DCDC1: variants seen among roughly 807,000 people sequenced by gnomAD.
The protein encoded by DCDC1 is doublecortin domain containing 1, also known as doublecortin domain-containing protein 1.
Under a neutral mutation model 178.3 loss-of-function variants are expected in DCDC1, and 200 were observed. The observed-to-expected ratio is 1.12, with a 90% CI of 1.00 to 1.26. The LOEUF is 1.26. DCDC1 is among the 50% of genes most tolerant of loss of function. DCDC1 has a pLI of 0.00. For synonymous variants in DCDC1, 690 were observed against 604.8 expected (o/e 1.14, Z -2.07); for missense variants, 1,983 against 1,749.2 (o/e 1.13, Z -2.38).
intron 15 of DCDC1, among the ~76,000 whole-genome samples, chr11:31,096,930 TGC>T (rs923881088): frequency 9.9e-5 from 15 of 152,184 alleles, no homozygotes; most frequent in African/African-American, 3.1e-4. Flanking sequence ...TGTGTGTGTG[TGC>T]GCGCGCCCGT....
At chr11:31,224,150 G>A (rs569381312) in intron 9 of DCDC1, among the ~76,000 whole-genome samples, 2 of 152,176 alleles carry the variant, frequency 1.3e-5, no homozygotes, top group Non-Finnish European at 2.9e-5. Context: ...ATGTGAAACT[G>A]TAAGTTCAAT....
At chr11:30,901,652 G>T (rs1294779832) in intron 32 of DCDC1, among the ~76,000 whole-genome samples, 1 of 152,174 alleles carries the variant, frequency 6.6e-6, no homozygotes, top group Non-Finnish European at 1.5e-5. Flanking sequence ...GGAATCAAAA[G>T]AATGCCCTTT....
intron 3 of DCDC1, among the ~76,000 whole-genome samples, chr11:31,313,974 C>A (rs1299951640): frequency 1.3e-5 from 2 of 152,088 alleles, no homozygotes; most frequent in South Asian, 2.1e-4. Context: ...GTCTCTACTG[C>A]AAATTTTTCA....
chr11:31,009,254 T>C (rs1266630847), intron 20 of DCDC1, among the ~76,000 whole-genome samples: 3 of 152,102 alleles, frequency 2.0e-5, no homozygotes, highest in African/African-American at 7.2e-5. Context: ...CAACTGAAGG[T>C]ATAATAGTTC....
intron 9 of DCDC1, among the ~76,000 whole-genome samples, chr11:31,175,669 T>C (rs1967916466): frequency 6.6e-6 from 1 of 152,190 alleles, no homozygotes; most frequent in Non-Finnish European, 1.5e-5. Flanking sequence ...CCAGACATCC[T>C]ATCAACCTCC....
chr11:31,128,808 C>T (rs966455626), intron 10 of DCDC1, among the ~76,000 whole-genome samples: 9 of 152,090 alleles, frequency 5.9e-5, no homozygotes, highest in Non-Finnish European at 1.5e-5. Flanking sequence ...GGCCAATGTA[C>T]TGGTATATTT....
At chr11:31,361,369 A>G (rs1399670355) in intron 1 of DCDC1, among the ~76,000 whole-genome samples, 1 of 152,248 alleles carries the variant, frequency 6.6e-6, no homozygotes, top group Non-Finnish European at 1.5e-5. Context: ...ACACAGCCTC[A>G]TTAGCACAAA....
intron 20 of DCDC1, among the ~76,000 whole-genome samples, chr11:30,982,776 T>C (rs1950455676): frequency 6.6e-6 from 1 of 152,160 alleles, no homozygotes; most frequent in South Asian, 2.1e-4. Flanking sequence ...GACATTTAAA[T>C]GAGTGAGTAT....
intron 8 of DCDC1, among the ~76,000 whole-genome samples, chr11:31,258,620 T>A (rs549911207): frequency 6.6e-6 from 1 of 152,060 alleles, no homozygotes; most frequent in Non-Finnish European, 1.5e-5. Context: ...AAAGACCATG[T>A]CCTTAGGAGG....
chr11:31,170,755 A>G (rs948914775), intron 9 of DCDC1, among the ~76,000 whole-genome samples: 1 of 152,212 alleles, frequency 6.6e-6, no homozygotes, highest in Non-Finnish European at 1.5e-5. Flanking sequence ...TTTAGGCACA[A>G]GAGGCTATTG....
chr11:31,309,972 C>G (rs1340478939), intron 3 of DCDC1, among the ~76,000 whole-genome samples: 1 of 152,054 alleles, frequency 6.6e-6, no homozygotes, highest in Non-Finnish European at 1.5e-5. Context: ...GGCTGTCTAT[C>G]ATTTTTGTTT....
intron 7 of DCDC1, among the ~76,000 whole-genome samples, chr11:31,273,057 C>T (rs1419286193): frequency 1.3e-5 from 2 of 152,156 alleles, no homozygotes; most frequent in Admixed American, 6.5e-5. Flanking sequence ...TAGTATGGGA[C>T]CCTGGGCCCG....
intron 20 of DCDC1, among the ~76,000 whole-genome samples, chr11:30,998,287 G>C (rs778019710): frequency 1.3e-5 from 2 of 151,964 alleles, no homozygotes; most frequent in African/African-American, 4.8e-5. Context: ...ATGAAACCTG[G>C]ACTCAAAATA....
chr11:31,264,279 T>G (rs1282739498), intron 8 of DCDC1, among the ~76,000 whole-genome samples: 3 of 152,172 alleles, frequency 2.0e-5, no homozygotes, highest in Non-Finnish European at 1.5e-5. Flanking sequence ...ATCCAAGTAC[T>G]ATTTATTGAG....
At chr11:31,250,415 C>CACACACACACACACACAT (rs1223526182) in intron 8 of DCDC1, among the ~76,000 whole-genome samples, 1 of 73,670 alleles carries the variant, frequency 1.4e-5, no homozygotes, top group Non-Finnish European at 2.8e-5. Flanking sequence ...CACACACACA[C>CACACACACACACACACAT]ATATACATAT....
intron 20 of DCDC1, among the ~76,000 whole-genome samples, chr11:31,035,495 T>C (rs1008473048): frequency 6.6e-6 from 1 of 152,218 alleles, no homozygotes; most frequent in African/African-American, 2.4e-5. Flanking sequence ...TTTTGACTTG[T>C]CTAATGTTTT....
At chr11:31,024,375 G>A (rs1953084727) in intron 20 of DCDC1, among the ~76,000 whole-genome samples, 1 of 151,682 alleles carries the variant, frequency 6.6e-6, no homozygotes, top group Non-Finnish European at 1.5e-5. Flanking sequence ...AAAGGATATA[G>A]TTTCCAAACT....
chr11:30,900,810 C>T (rs1044657974), intron 32 of DCDC1, among the ~76,000 whole-genome samples: 33 of 152,010 alleles, frequency 2.2e-4, no homozygotes, highest in African/African-American at 8.0e-4. Flanking sequence ...AAATCAAGCA[C>T]AGGGGAAAGG....
intron 1 of DCDC1, among the ~76,000 whole-genome samples, chr11:31,343,955 A>C (rs1009516105): frequency 6.6e-6 from 1 of 151,842 alleles, no homozygotes; most frequent in Non-Finnish European, 1.5e-5. Context: ...AAATAAATGA[A>C]AAATACTTTC....
Sources: gnomAD v4.1 joint callset for allele counts (sites outside exome capture counted in the v4.1 genomes callset) on GRCh38, gnomAD v4.1.1 for gene constraint, MANE v1.5 for transcripts, NCBI Gene and HGNC (gene_info 2026-07-23, HGNC 2026-07-21) for gene names.